Variants in RGS6 observed in about 807,000 individuals in gnomAD.
The protein encoded by RGS6 is regulator of G-protein signaling 6.
RGS6 carries 30 observed loss-of-function variants against 78.5 expected under a neutral mutation model. The ratio of observed to expected loss-of-function variants is 0.38; its 90% CI spans 0.29 to 0.52. RGS6 has a LOEUF of 0.52. Ranked by LOEUF, RGS6 falls within the 20% of genes least tolerant of loss-of-function variation. The pLI is 0.85. For missense variants in RGS6, 495 were observed against 609.7 expected (o/e 0.81, Z 1.98); for synonymous variants, 206 against 206.0 (o/e 1.00, Z 0.00).
chr14:72,028,386 C>T (rs2153318596), intron 2 of RGS6, among the ~76,000 whole-genome samples: 1 of 152,334 alleles, frequency 6.6e-6, no homozygotes, highest in South Asian at 2.1e-4. Context: ...ACTAGTAGAG[C>T]TCAAGGTATT....
chr14:72,006,030 A>T (rs1301439613), intron 2 of RGS6, among the ~76,000 whole-genome samples: 3 of 152,154 alleles, frequency 2.0e-5, no homozygotes, highest in Non-Finnish European at 4.4e-5. Flanking sequence ...TGTCCTTGGA[A>T]AAAGCTTTGA....
chr14:72,339,191 C>G (rs1319440284), intron 2 of RGS6, among the ~76,000 whole-genome samples: 1 of 152,130 alleles, frequency 6.6e-6, no homozygotes, highest in Non-Finnish European at 1.5e-5. Context: ...GGGTGGGGCC[C>G]TTGGAGGTGA....
intron 2 of RGS6, among the ~76,000 whole-genome samples, chr14:72,351,238 A>G (rs1435451312): frequency 1.3e-5 from 2 of 152,208 alleles, no homozygotes; most frequent in Admixed American, 6.5e-5. Flanking sequence ...TCCCCAAACA[A>G]AAAGATGTAT....
chr14:72,623,971 T>C, the RGS6 span, among the ~76,000 whole-genome samples: 1 of 152,198 alleles, frequency 6.6e-6, no homozygotes, highest in African/African-American at 2.4e-5. Context: ...TCAAAAGGAC[T>C]CAGGATCCAA....
intron 2 of RGS6, among the ~76,000 whole-genome samples, chr14:72,123,232 G>T (rs1283340594): frequency 6.6e-6 from 1 of 152,202 alleles, no homozygotes; most frequent in Non-Finnish European, 1.5e-5. Flanking sequence ...TTACAGGTGT[G>T]AGTCACAGTG....
At chr14:72,619,340 T>C in the RGS6 span, 1 of 1,535,992 alleles carries the variant, frequency 6.5e-7, no homozygotes, top group African/African-American at 1.4e-5. Context: ...TTTGAGCAGT[T>C]CCCAGCATAA....
At chr14:72,024,615 C>CA (rs2089458710) in intron 2 of RGS6, among the ~76,000 whole-genome samples, 1 of 152,104 alleles carries the variant, frequency 6.6e-6, no homozygotes, top group Non-Finnish European at 1.5e-5. Flanking sequence ...TGATGAGTAC[C>CA]TATGTTGAAA....
intron 3 of RGS6, among the ~76,000 whole-genome samples, chr14:72,384,185 G>T (rs1310770580): frequency 6.6e-6 from 1 of 152,128 alleles, no homozygotes; most frequent in African/African-American, 2.4e-5. Flanking sequence ...AAACACTGGG[G>T]CATGGTGATG....
intron 3 of RGS6, among the ~76,000 whole-genome samples, chr14:72,356,203 G>A (rs1370827684): frequency 2.6e-5 from 4 of 152,120 alleles, no homozygotes; most frequent in African/African-American, 9.7e-5. Flanking sequence ...GGCAAGGGAG[G>A]GACCTGGTGG....
chr14:72,318,865 C>T (rs1002363606), intron 2 of RGS6, among the ~76,000 whole-genome samples: 39 of 152,300 alleles, frequency 2.6e-4, no homozygotes, highest in South Asian at 4.1e-4. Flanking sequence ...AGGAAGCAGT[C>T]CATTGTTGTG....
intron 2 of RGS6, among the ~76,000 whole-genome samples, chr14:72,019,185 G>A (rs1343766038): frequency 1.3e-5 from 2 of 152,124 alleles, no homozygotes; most frequent in Non-Finnish European, 2.9e-5. Flanking sequence ...CCATGTCAGG[G>A]CAGAGCCAGG....
chr14:72,043,778 T>A (rs538456730), intron 2 of RGS6, among the ~76,000 whole-genome samples: 5 of 152,218 alleles, frequency 3.3e-5, no homozygotes, highest in Non-Finnish European at 5.9e-5. Flanking sequence ...CTGTCATTTA[T>A]TTTGGAAAGT....
At chr14:72,271,506 A>C (rs76790954) in intron 2 of RGS6, among the ~76,000 whole-genome samples, 129 of 152,338 alleles carry the variant, frequency 8.5e-4, no homozygotes, top group African/African-American at 3.1e-3. Flanking sequence ...CAGCCAAACC[A>C]TATCAACCAC....
intron 2 of RGS6, among the ~76,000 whole-genome samples, chr14:72,330,519 C>T (rs891278900): frequency 6.6e-6 from 1 of 152,194 alleles, no homozygotes. Flanking sequence ...ACCCACCTTC[C>T]TTGTGCCAGG....
the RGS6 span, among the ~76,000 whole-genome samples, chr14:71,868,658 C>A: frequency 2.0e-5 from 3 of 152,148 alleles, no homozygotes; most frequent in South Asian, 6.2e-4. Flanking sequence ...TAGTGAACCA[C>A]TCGATTTCTC....
At chr14:72,147,775 G>A (rs140406572) in intron 2 of RGS6, among the ~76,000 whole-genome samples, 1 of 152,318 alleles carries the variant, frequency 6.6e-6, no homozygotes, top group Non-Finnish European at 1.5e-5. Flanking sequence ...GTACAGGTGG[G>A]ATGAATCCAG....
At chr14:72,091,337 C>T (rs908744820) in intron 2 of RGS6, among the ~76,000 whole-genome samples, 5 of 152,208 alleles carry the variant, frequency 3.3e-5, no homozygotes, top group African/African-American at 1.2e-4. Context: ...TGCATTTTCC[C>T]TTCCTCACGT....
At chr14:72,551,295 G>T (rs374675769) in intron 17 of RGS6, among the ~76,000 whole-genome samples, 1 of 152,092 alleles carries the variant, frequency 6.6e-6, no homozygotes, top group African/African-American at 2.4e-5. Flanking sequence ...ACAGATGCCC[G>T]CACAGTGAAG....
intron 15 of RGS6, among the ~76,000 whole-genome samples, chr14:72,526,767 C>T (rs2097125860): frequency 1.3e-5 from 2 of 152,240 alleles, no homozygotes; most frequent in South Asian, 4.1e-4. Context: ...TCCTATCTTT[C>T]ACTTATGTGG....
Sources: allele counts gnomAD v4.1 joint callset (sites outside exome capture counted in the v4.1 genomes callset), GRCh38; gene constraint gnomAD v4.1.1; transcripts MANE v1.5; gene names NCBI Gene and HGNC (gene_info 2026-07-23, HGNC 2026-07-21).